The following MEIKIN variants were observed in gnomAD, a reference collection of about 807,000 sequenced individuals.
MEIKIN encodes meiotic kinetochore factor, also known as meiosis-specific kinetochore protein.
intron 6 of MEIKIN, among the ~76,000 whole-genome samples, chr5:131,917,507 A>G (rs913867988): frequency 6.7e-6 from 1 of 149,048 alleles, no homozygotes; most frequent in East Asian, 2.0e-4. Context: ...TGGAGGCTGC[A>G]GTGAGCCGAG....
At chr5:131,908,359 A>G (rs1349801023) in intron 8 of MEIKIN, among the ~76,000 whole-genome samples, 1 of 152,184 alleles carries the variant, frequency 6.6e-6, no homozygotes, top group Non-Finnish European at 1.5e-5. Flanking sequence ...ATGCTAGAAA[A>G]TCGTGATAAA....
chr5:131,855,075 T>A (rs1750171666), intron 9 of MEIKIN, among the ~76,000 whole-genome samples: 1 of 152,188 alleles, frequency 6.6e-6, no homozygotes, highest in African/African-American at 2.4e-5. Context: ...GAGAATACCT[T>A]GGTTGAAATG....
chr5:131,898,761 C>T (rs533458103), intron 8 of MEIKIN, among the ~76,000 whole-genome samples: 2 of 152,314 alleles, frequency 1.3e-5, no homozygotes, highest in African/African-American at 2.4e-5. Context: ...CCTGGTCTGT[C>T]GGTTGCTGAG....
intron 5 of MEIKIN, 78 bp downstream of exon 5, chr5:131,933,435 G>A (rs1157950819): frequency 1.0e-5 from 4 of 389,732 alleles, no homozygotes; most frequent in Admixed American, 4.4e-5. Context: ...CGAAAGGGAC[G>A]TTTATTCATT....
chr5:131,854,096 T>TC (rs943156061), intron 10 of MEIKIN, among the ~76,000 whole-genome samples: 17 of 152,236 alleles, frequency 1.1e-4, no homozygotes, highest in African/African-American at 3.4e-4. Context: ...AACCCAATTG[T>TC]CCATCAATAG....
chr5:131,858,629 C>G (rs1191655380), intron 9 of MEIKIN, among the ~76,000 whole-genome samples: 3 of 152,154 alleles, frequency 2.0e-5, no homozygotes, highest in Non-Finnish European at 4.4e-5. Context: ...ATGAAACTAT[C>G]AAGAGAGTAA....
intron 11 of MEIKIN, among the ~76,000 whole-genome samples, chr5:131,836,371 T>C (rs1392629008): frequency 6.6e-6 from 1 of 152,194 alleles, no homozygotes; most frequent in Non-Finnish European, 1.5e-5. Flanking sequence ...CATGCATGTG[T>C]CTTTATGGTA....
intron 8 of MEIKIN, among the ~76,000 whole-genome samples, chr5:131,886,489 G>A (rs539389836): frequency 6.6e-6 from 1 of 152,302 alleles, no homozygotes; most frequent in East Asian, 1.9e-4. Context: ...CACTCCAGGG[G>A]AGAACAGCAT....
At chr5:131,939,320 T>C (rs1452746489) in intron 4 of MEIKIN, among the ~76,000 whole-genome samples, 1 of 152,148 alleles carries the variant, frequency 6.6e-6, no homozygotes, top group Non-Finnish European at 1.5e-5. Flanking sequence ...ACCTTTAGCC[T>C]GAATCAGTTT....
At chr5:131,927,225 G>C (rs1156938523) in intron 5 of MEIKIN, among the ~76,000 whole-genome samples, 1 of 151,870 alleles carries the variant, frequency 6.6e-6, no homozygotes. Context: ...TTTCTTCTTT[G>C]ACTCACTGGT....
chr5:131,922,168 T>A (rs1031871951), intron 5 of MEIKIN, among the ~76,000 whole-genome samples: 2 of 152,236 alleles, frequency 1.3e-5, no homozygotes, highest in African/African-American at 2.4e-5. Context: ...TTTTCTACCA[T>A]GCGGATTATT....
intron 4 of MEIKIN, among the ~76,000 whole-genome samples, chr5:131,939,608 A>G (rs778096972): frequency 1.4e-4 from 21 of 152,206 alleles, no homozygotes; most frequent in Non-Finnish European, 2.2e-4. Context: ...AACGTGTTAT[A>G]AAGTTACTAG....
At chr5:131,931,147 T>C (rs1751682575) in intron 5 of MEIKIN, among the ~76,000 whole-genome samples, 1 of 152,228 alleles carries the variant, frequency 6.6e-6, no homozygotes, top group African/African-American at 2.4e-5. Context: ...ATCTCTCAAA[T>C]CTTTGTGCTA....
intron 11 of MEIKIN, among the ~76,000 whole-genome samples, chr5:131,821,804 T>G (rs1482328572): frequency 6.6e-6 from 1 of 151,966 alleles, no homozygotes; most frequent in Non-Finnish European, 1.5e-5. Flanking sequence ...GGCTTTTTTT[T>G]TGGAGACATG....
intron 4 of MEIKIN, among the ~76,000 whole-genome samples, chr5:131,935,267 C>CAAAAAAAA (rs749135114): frequency 2.0e-3 from 74 of 36,160 alleles, no homozygotes; most frequent in Non-Finnish European, 2.4e-3. Flanking sequence ...CCCGTCTCTA[C>CAAAAAAAA]AAAAAAAAAA....
At chr5:131,823,763 T>C (rs934555681) in intron 11 of MEIKIN, among the ~76,000 whole-genome samples, 54 of 152,276 alleles carry the variant, frequency 3.5e-4, no homozygotes, top group African/African-American at 1.2e-3. Context: ...CATCAATGTA[T>C]GGGCATTCAA....
intron 9 of MEIKIN, among the ~76,000 whole-genome samples, chr5:131,866,272 C>T (rs1310333083): frequency 2.6e-5 from 4 of 152,174 alleles, no homozygotes; most frequent in Non-Finnish European, 5.9e-5. Flanking sequence ...TGATCTCAGA[C>T]CCTGGGAAGA....
intron 11 of MEIKIN, among the ~76,000 whole-genome samples, chr5:131,842,115 T>C (rs1394805592): frequency 6.6e-6 from 1 of 152,004 alleles, no homozygotes; most frequent in African/African-American, 2.4e-5. Context: ...TACAGGTGCA[T>C]GCCATCACGC....
chr5:131,824,953 A>G (rs544465647), intron 11 of MEIKIN, among the ~76,000 whole-genome samples: 1 of 152,254 alleles, frequency 6.6e-6, no homozygotes, highest in Admixed American at 6.5e-5. Flanking sequence ...TGAGAGGCTG[A>G]GGTGAGAGGA....
Sources: gnomAD v4.1 joint callset for allele counts (sites outside exome capture counted in the v4.1 genomes callset) on GRCh38, gnomAD v4.1.1 for gene constraint, MANE v1.5 for transcripts, NCBI Gene and HGNC (gene_info 2026-07-23, HGNC 2026-07-21) for gene names.